The following ABCC4 variants were observed in gnomAD, a reference collection of about 807,000 sequenced individuals.
The protein encoded by ABCC4 is ATP-binding cassette sub-family C member 4.
ABCC4 carries 102 observed loss-of-function variants against 168.5 expected under a neutral mutation model. That is an observed-to-expected ratio of 0.61 (90% confidence interval 0.52 to 0.71). ABCC4 has a LOEUF of 0.71. Among genes scored for constraint, ABCC4 ranks in the 30% least tolerant of loss-of-function variants. The pLI is 0.00. For synonymous variants in ABCC4, 617 were observed against 590.7 expected, an observed-to-expected ratio of 1.04 and a Z score of -0.65; for missense variants, 1,402 against 1,605.8, an observed-to-expected ratio of 0.87 and a Z score of 2.17.
Position 95,159,095 on chromosome 13 carries a change from A to ATATATATATATG in ABCC4, c.2455+2093_2455+2094insCATATATATATA, listed in dbSNP as rs2036986052. Among the ~76,000 whole-genome samples, 17 of 49,566 alleles carry ATATATATATATG rather than the reference A, an allele frequency of 3.4e-4. No individual in the cohort carries two copies. The African/African-American group carries it at 3.7e-3, about 11-fold the overall frequency. The allele number at this position is 49,566 out of a possible 152,430, so 32.5% of individuals were successfully genotyped here. ...GAGACCTTATTTCTAAATAAATTTT[A>ATATATATATATG]TATATATATATATATATATATATAT... On this transcript the variant is annotated intron_variant, in intron 19 of 30. Transcript: ENST00000645237.
chr13:95,253,719 G>A (rs899376441), intron 1 of ABCC4, among the ~76,000 whole-genome samples: 5 of 151,632 alleles, frequency 3.3e-5, no homozygotes, highest in Admixed American at 2.6e-4. Flanking sequence ...ACTCCAGCCT[G>A]GGCGACAGAG....
At chr13:95,053,272 C>A in intron 26 of ABCC4, 88 bp from the exon 27 acceptor site, 1 of 1,005,290 alleles carries the variant, frequency 9.9e-7, no homozygotes, top group Admixed American at 2.0e-5. Flanking sequence ...ATTAAGATAC[C>A]AAAAAATAAA....
intron 17 of ABCC4, among the ~76,000 whole-genome samples, 195 bp from the exon 18 acceptor site, chr13:95,163,411 A>G (rs2037162765): frequency 6.6e-6 from 1 of 152,182 alleles, no homozygotes; most frequent in Admixed American, 6.5e-5. Context: ...ACTGTCTGTG[A>G]ACATGATGCC....
chr13:95,189,715 CTAATT>C (rs2038195075), intron 9 of ABCC4, among the ~76,000 whole-genome samples: 1 of 152,122 alleles, frequency 6.6e-6, no homozygotes, highest in South Asian at 2.1e-4. Context: ...ACCAAGAGCT[CTAATT>C]TAACAATAAC....
chr13:95,126,575 T>C (rs2035767298), intron 19 of ABCC4, among the ~76,000 whole-genome samples: 1 of 151,466 alleles, frequency 6.6e-6, no homozygotes, highest in Non-Finnish European at 1.5e-5. Context: ...ACCAAAGGTG[T>C]GCTGGAAACA....
intron 29 of ABCC4, among the ~76,000 whole-genome samples, chr13:95,039,002 A>G (rs888632931): frequency 3.9e-5 from 6 of 152,176 alleles, no homozygotes; most frequent in Non-Finnish European, 8.8e-5. Context: ...TTGACTCACA[A>G]ATTAAATATT....
chr13:95,229,025 G>A (rs758683869), intron 4 of ABCC4, among the ~76,000 whole-genome samples: 23 of 152,246 alleles, frequency 1.5e-4, no homozygotes, highest in African/African-American at 2.9e-4. Flanking sequence ...GCATCCAAGA[G>A]AATATATACA....
chr13:95,190,803 T>C (rs948486733), intron 9 of ABCC4, among the ~76,000 whole-genome samples: 6 of 152,228 alleles, frequency 3.9e-5, no homozygotes, highest in East Asian at 1.9e-4. Flanking sequence ...CGTGGATAGA[T>C]TGGAGAGACT....
chr13:95,299,642 A>G (rs1193063278), intron 1 of ABCC4, among the ~76,000 whole-genome samples: 2 of 152,074 alleles, frequency 1.3e-5, no homozygotes, highest in Admixed American at 6.6e-5. Context: ...GGCCCAAGAC[A>G]ATTCTTCCAG....
At chr13:95,024,834 A>T (rs2031309413) in intron 30 of ABCC4, among the ~76,000 whole-genome samples, 1 of 152,170 alleles carries the variant, frequency 6.6e-6, no homozygotes, top group South Asian at 2.1e-4. Flanking sequence ...CACTCTGAAC[A>T]TCAAAGATAT....
rs115951708 is a variant in ABCC4, at chr13:95,179,702, A to G, written c.1546-1611T>C. 3.6e-3 allele frequency among the ~76,000 whole-genome samples: 546 copies of G among 152,336 alleles called. 3 individuals are homozygous for G. Among genetic ancestry groups the G allele is most frequent in the African/African-American group, 0.013 (533 of 41,590 alleles). On this transcript the variant is annotated intron_variant, in intron 11 of 30. Coordinates refer to ENST00000645237, the MANE Select transcript of ABCC4 (RefSeq NM_005845.5). Reference sequence around the variant, plus strand: ...TGGGTATTGACTGAGCTGCATAAGCATCAACCTAGGACACTACAGAGATAG... The same window carrying G: ...TGGGTATTGACTGAGCTGCATAAGCGTCAACCTAGGACACTACAGAGATAG...
At position 95,234,678 on chromosome 13, in the gene ABCC4, A is replaced by C; in HGVS notation, c.463T>G (p.Tyr155Asp). The C allele has an allele frequency of 6.2e-7, 1 of 1,614,180 alleles. No individual in the cohort carries two copies. Among genetic ancestry groups the C allele is most frequent in the Non-Finnish European group, 8.5e-7 (1 of 1,180,018 alleles). The part of the protein sequence containing the change: ...TLILAILHHL[Y>D]FYHVQCAGMR... ...CCAGCACACTGAACGTGATAAAAAT[A>C]TAAGTGATGCAGTATAGCCAAAATG... Residue 155 changes from tyrosine to aspartate, a missense_variant, in exon 4 of 31, where the codon TAT (tyrosine) becomes GAT (aspartate). Around this residue, in one of 3 missense-constraint regions of ABCC4, gnomAD observed 317 missense variants for 345.5 expected, o/e 0.92. Coordinates refer to ENST00000645237, the MANE Select transcript of ABCC4 (RefSeq NM_005845.5).
At chr13:95,246,201 A>G (rs1025710937) in intron 3 of ABCC4, among the ~76,000 whole-genome samples, 1 of 152,184 alleles carries the variant, frequency 6.6e-6, no homozygotes, top group Non-Finnish European at 1.5e-5. Context: ...ATGTCCATTT[A>G]TACATTCTCT....
At chr13:95,108,293 G>T (rs1295647797) in intron 20 of ABCC4, among the ~76,000 whole-genome samples, 2 of 152,174 alleles carry the variant, frequency 1.3e-5, no homozygotes, top group African/African-American at 4.8e-5. Context: ...AGGGAGATGG[G>T]TGGGCACCAG....
At chr13:95,043,815 T>G in intron 28 of ABCC4, 28 bp from the exon 29 acceptor site, 1 of 1,545,278 alleles carries the variant, frequency 6.5e-7, no homozygotes, top group Non-Finnish European at 8.9e-7. Context: ...AAGTTTAATT[T>G]CGTAAAGATG....
rs564187133 is a variant in ABCC4 at position 95,228,266 on chromosome 13, C to T, written c.531+6344G>A. 3.9e-5 allele frequency among the ~76,000 whole-genome samples: 6 copies of T among 152,154 alleles called. No individual in the cohort carries two copies. In the East Asian group the frequency reaches 9.7e-4, roughly 25 times the overall value. On this transcript the variant is annotated intron_variant, in intron 4 of 30. Transcript: ENST00000645237. ...GTGGCTGCAATCTTCTCACCATCAG[C>T]GCATGACGGTGCATTTATTTTTTTT...
intron 20 of ABCC4, among the ~76,000 whole-genome samples, chr13:95,095,324 ATCT>A (rs2034558387): frequency 6.6e-6 from 1 of 151,816 alleles, no homozygotes; most frequent in African/African-American, 2.4e-5. Context: ...CTATCTATCT[ATCT>A]ATCTATCTAT....
chr13:95,172,674 T>C (rs766436194), intron 13 of ABCC4, among the ~76,000 whole-genome samples: 1 of 151,820 alleles, frequency 6.6e-6, no homozygotes, highest in Non-Finnish European at 1.5e-5. Context: ...CTCACACCTA[T>C]AATCCCAGCA....
rs72443922 is a variant in ABCC4, at chr13:95,290,103, AATAGATAG to A, written c.74+11130_74+11137del. 4.8e-3 allele frequency among the ~76,000 whole-genome samples: 541 copies of A among 113,804 alleles called. 1 individual carries two copies. The highest frequency in any genetic ancestry group is 8.1e-3 in the African/African-American group (296 of 36,574). The allele number at this position is 113,804 out of a possible 152,430, so 74.7% of individuals were successfully genotyped here. ...AAGAGCAAAACTCTGTCTCAAAAAA[AATAGATAG>A]ATAGATAGATAGATAGATAGATAGA... is the stretch of plus-strand genomic sequence containing the variant. On this transcript the variant is annotated intron_variant, in intron 1 of 30. Transcript: ENST00000645237.
Sources: gnomAD v4.1 joint callset for allele counts (sites outside exome capture counted in the v4.1 genomes callset) on GRCh38, gnomAD v4.1.1 for gene constraint, gnomAD v4.1.1 regional missense constraint, MANE v1.5 for transcripts, NCBI Gene and HGNC (gene_info 2026-07-23, HGNC 2026-07-21) for gene names.